The following ANKRD6 variants were observed in gnomAD, a reference collection of about 807,000 sequenced individuals.
The protein encoded by ANKRD6 is ankyrin repeat domain-containing protein 6.
ANKRD6 carries 56 observed loss-of-function variants against 82.3 expected under a neutral mutation model. The observed-to-expected ratio is 0.68, with a 90% CI of 0.55 to 0.85. The LOEUF is 0.85. Among genes scored for constraint, ANKRD6 ranks in the 40% least tolerant of loss-of-function variants. The pLI is 0.00. For missense variants in ANKRD6, 852 were observed against 907.6 expected, an observed-to-expected ratio of 0.94 and a Z score of 0.79; for synonymous variants, 347 against 352.1, an observed-to-expected ratio of 0.99 and a Z score of 0.16.
chr6:89,530,771 A>G (rs1454541771), intron 1 of ANKRD6, among the ~76,000 whole-genome samples: 1 of 152,220 alleles, frequency 6.6e-6, no homozygotes, highest in Non-Finnish European at 1.5e-5. Flanking sequence ...GGAGAACTGG[A>G]TTCTGAAAGT....
intron 1 of ANKRD6, among the ~76,000 whole-genome samples, chr6:89,442,335 C>A (rs1771500004): frequency 6.6e-6 from 1 of 151,980 alleles, no homozygotes. Flanking sequence ...GGCATAGACA[C>A]CAATCAGGCT....
chr6:89,506,881 C>T (rs1403676011), intron 1 of ANKRD6, among the ~76,000 whole-genome samples: 2 of 152,250 alleles, frequency 1.3e-5, no homozygotes, highest in Non-Finnish European at 2.9e-5. Context: ...ATTAAACAAG[C>T]CAATCCCTAG....
chr6:89,461,023 C>T (rs1365348857), intron 1 of ANKRD6, among the ~76,000 whole-genome samples: 2 of 151,956 alleles, frequency 1.3e-5, no homozygotes, highest in African/African-American at 2.4e-5. Flanking sequence ...GCCTCAGCCT[C>T]CTGAGTAACT....
chr6:89,475,254 T>C (rs1275140282), intron 1 of ANKRD6, among the ~76,000 whole-genome samples: 1 of 152,182 alleles, frequency 6.6e-6, no homozygotes, highest in Non-Finnish European at 1.5e-5. Flanking sequence ...AAACCTAAAA[T>C]CTGGACCTTT....
At chr6:89,554,528 A>C (rs533771741) in intron 1 of ANKRD6, among the ~76,000 whole-genome samples, 80 of 152,062 alleles carry the variant, frequency 5.3e-4, no homozygotes, top group Non-Finnish European at 9.6e-4. Flanking sequence ...CATTCAGTTC[A>C]CTATAGAATT....
chr6:89,586,953 C>T (rs1793839098), intron 2 of ANKRD6, among the ~76,000 whole-genome samples: 1 of 152,082 alleles, frequency 6.6e-6, no homozygotes, highest in South Asian at 2.1e-4. Flanking sequence ...CTTTGGGAGG[C>T]TGAGGTGGGT....
At chr6:89,536,276 A>G (rs1783816571) in intron 1 of ANKRD6, among the ~76,000 whole-genome samples, 1 of 152,240 alleles carries the variant, frequency 6.6e-6, no homozygotes, top group Non-Finnish European at 1.5e-5. Context: ...GGCCCACAGC[A>G]AAAAGCTCAA....
At chr6:89,587,504 A>G (rs1794013793) in intron 2 of ANKRD6, among the ~76,000 whole-genome samples, 1 of 152,182 alleles carries the variant, frequency 6.6e-6, no homozygotes, top group African/African-American at 2.4e-5. Flanking sequence ...CAAACAAAAA[A>G]GGAATTCTCT....
At chr6:89,544,930 C>T (rs1045320774) in intron 1 of ANKRD6, among the ~76,000 whole-genome samples, 6 of 151,728 alleles carry the variant, frequency 4.0e-5, no homozygotes, top group East Asian at 3.9e-4. Context: ...AGGGATGTTT[C>T]GGGCCAGGCA....
rs958393606 is a variant in ANKRD6 at position 89,631,162 on chromosome 6, C to G, written c.*158C>G. 65 of 1,297,952 alleles carry G rather than the reference C, an allele frequency of 5.0e-5. No homozygotes were observed. The highest frequency in any genetic ancestry group is 5.8e-5 in the Non-Finnish European group (58 of 1,002,102). 80.4% of individuals were successfully genotyped at this position (1,297,952 alleles called of 1,614,324 possible). On this transcript the variant is annotated 3_prime_UTR_variant, in exon 16 of 16. Transcript: ENST00000339746. ...ATGTGCCAGATACATGTTTCCTATG[C>G]CCAGGAAGTTATGAAGACTTCAACA... is the stretch of plus-strand genomic sequence containing the variant.
chr6:89,572,957 A>AGTTT (rs970585378), intron 2 of ANKRD6, among the ~76,000 whole-genome samples: 3 of 152,098 alleles, frequency 2.0e-5, no homozygotes, highest in Non-Finnish European at 2.9e-5. Flanking sequence ...AGCTCTTCAC[A>AGTTT]GTTTGTTTGT....
chr6:89,459,214 G>A (rs1283037216), intron 1 of ANKRD6, among the ~76,000 whole-genome samples: 1 of 152,030 alleles, frequency 6.6e-6, no homozygotes, highest in African/African-American at 2.4e-5. Flanking sequence ...GAGTAGCTGG[G>A]ATTACAGGCA....
intron 1 of ANKRD6, among the ~76,000 whole-genome samples, chr6:89,537,146 T>A (rs1393834442): frequency 6.6e-6 from 1 of 152,110 alleles, no homozygotes; most frequent in African/African-American, 2.4e-5. Flanking sequence ...AAGGAGAGAA[T>A]CAAGATAAGA....
intron 1 of ANKRD6, among the ~76,000 whole-genome samples, chr6:89,455,458 A>G (rs1003759841): frequency 6.6e-6 from 1 of 152,088 alleles, no homozygotes; most frequent in Non-Finnish European, 1.5e-5. Context: ...ACTCACTATT[A>G]TGAGGACAAC....
intron 2 of ANKRD6, among the ~76,000 whole-genome samples, chr6:89,573,658 G>T (rs1790456096): frequency 6.6e-6 from 1 of 152,216 alleles, no homozygotes; most frequent in Non-Finnish European, 1.5e-5. Flanking sequence ...GAGTCTGCAT[G>T]TCTGAAACTC....
intron 1 of ANKRD6, among the ~76,000 whole-genome samples, chr6:89,521,958 A>G (rs1038465421): frequency 6.6e-6 from 1 of 152,206 alleles, no homozygotes; most frequent in African/African-American, 2.4e-5. Flanking sequence ...ACATTATTTT[A>G]TAACCTATAC....
intron 1 of ANKRD6, among the ~76,000 whole-genome samples, chr6:89,551,448 G>A (rs980631468): frequency 3.9e-5 from 6 of 152,182 alleles, no homozygotes; most frequent in African/African-American, 1.2e-4. Context: ...CTCGCCCAGG[G>A]CTTTGGGAGA....
chr6:89,607,284 A>G (rs1397644959), intron 5 of ANKRD6, among the ~76,000 whole-genome samples: 1 of 152,162 alleles, frequency 6.6e-6, no homozygotes. Context: ...AATAAGCAAT[A>G]AAACCAGTAA....
intron 2 of ANKRD6, among the ~76,000 whole-genome samples, chr6:89,583,023 A>C (rs1039803283): frequency 6.6e-6 from 1 of 152,180 alleles, no homozygotes; most frequent in African/African-American, 2.4e-5. Context: ...ACGTGTAACC[A>C]CCTTTAGAGC....
Sources: gnomAD v4.1 joint callset for allele counts (sites outside exome capture counted in the v4.1 genomes callset) on GRCh38, gnomAD v4.1.1 for gene constraint, MANE v1.5 for transcripts, NCBI Gene and HGNC (gene_info 2026-07-23, HGNC 2026-07-21) for gene names.